Variants in TINAG observed in about 807,000 individuals in gnomAD.
TINAG encodes the protein tubulointerstitial nephritis antigen.
A neutral mutation model predicts 72.7 loss-of-function variants in TINAG; 83 were observed. The observed-to-expected ratio is 1.14, with a 90% confidence interval of 0.96 to 1.37. TINAG has a LOEUF of 1.37. Ranked by LOEUF, TINAG falls within the 40% of genes most tolerant of loss-of-function variation. TINAG has a pLI of 0.00. For synonymous variants in TINAG, 234 were observed against 189.9 expected, an observed-to-expected ratio of 1.23 and a Z score of -1.91; for missense variants, 685 against 576.6, an observed-to-expected ratio of 1.19 and a Z score of -1.93.
intron 10 of TINAG, among the ~76,000 whole-genome samples, chr6:54,382,489 C>T (rs541462301): frequency 6.6e-6 from 1 of 152,082 alleles, no homozygotes; most frequent in East Asian, 1.9e-4. Context: ...ATAAAACATA[C>T]TAGTGGTTTA....
chr6:54,342,256 G>T (rs560406192), intron 4 of TINAG, among the ~76,000 whole-genome samples: 1 of 152,028 alleles, frequency 6.6e-6, no homozygotes, highest in Non-Finnish European at 1.5e-5. Flanking sequence ...CAATTTAGTT[G>T]GCTTCTTGGA....
chr6:54,365,494 G>A (rs1470799531), intron 9 of TINAG: 1 of 151,388 alleles, frequency 6.6e-6, no homozygotes, highest in East Asian at 1.9e-4. Context: ...CATCTGTGAG[G>A]GTCACATGTT....
chr6:54,351,365 T>C lies in TINAG; in HGVS notation c.1094T>C (p.Met365Thr), dbSNP rs563178182. The C allele has an allele frequency of 6.2e-7, 1 of 1,610,230 alleles. No individual in the cohort carries two copies. The highest frequency in any genetic ancestry group is 1.7e-5 in the Admixed American group (1 of 59,658). Reference protein sequence around the residue: ...YRVSSNETEIMKEIMQNGPVQ... With the variant: ...YRVSSNETEITKEIMQNGPVQ... ...TTTTCCATCCAGGAAACTGAGATAA[T>C]GAAAGAAATCATGCAAAATGGACCA... The change falls in exon 8 of 11, where the codon ATG becomes ACG. Residue 365 changes from methionine (M) to threonine (T), a missense_variant. Coordinates refer to ENST00000259782, the MANE Select transcript of TINAG (RefSeq NM_014464.4).
intron 10 of TINAG, among the ~76,000 whole-genome samples, chr6:54,381,829 T>C (rs141755786): frequency 2.0e-5 from 3 of 152,158 alleles, no homozygotes; most frequent in African/African-American, 4.8e-5. Flanking sequence ...AGAGAAAAAA[T>C]CAAGTTCTTT....
At chr6:54,318,692 A>G (rs1784425161) in intron 1 of TINAG, among the ~76,000 whole-genome samples, 2 of 152,062 alleles carry the variant, frequency 1.3e-5, no homozygotes, top group South Asian at 4.2e-4. Flanking sequence ...AAGCTACATG[A>G]TGTATATTTT....
chr6:54,355,229 G>A lies in TINAG; in HGVS notation c.1250+593G>A, dbSNP rs539924958. On this transcript the variant is annotated intron_variant, in intron 9 of 10. Coordinates refer to ENST00000259782, the MANE Select transcript of TINAG (RefSeq NM_014464.4). Reference sequence around the variant, plus strand: ...GTGGTTATGAGACCACTTTCCCAGCGCCTTCTCAATTTTATTCTGACTAAA... The same window carrying A: ...GTGGTTATGAGACCACTTTCCCAGCACCTTCTCAATTTTATTCTGACTAAA... Among the ~76,000 whole-genome samples, 10 of 151,850 alleles carry A rather than the reference G, an allele frequency of 6.6e-5. No homozygotes were observed. In the South Asian group the frequency reaches 1.5e-3, roughly 22 times the overall value.
Position 54,372,733 on chromosome 6 carries a change from T to C in TINAG, c.1251-7793T>C, listed in dbSNP as rs1271651960. ...AATATTATATAAATACATACATATATATATATATATATATATATATATATA... is the reference window on the plus strand; with the variant it reads ...AATATTATATAAATACATACATATACATATATATATATATATATATATATA... On this transcript the variant is annotated intron_variant, in intron 9 of 10. Coordinates refer to ENST00000259782, the MANE Select transcript of TINAG (RefSeq NM_014464.4). Among the ~76,000 whole-genome samples, 33 of 4,624 alleles carry C rather than the reference T, an allele frequency of 7.1e-3. No individual in the cohort carries two copies. The South Asian group carries it at 0.074, about 10-fold the overall frequency. 3.0% of individuals were successfully genotyped at this position (4,624 alleles called of 152,430 possible).
intron 10 of TINAG, among the ~76,000 whole-genome samples, chr6:54,387,938 T>G (rs1467546847): frequency 5.9e-5 from 9 of 152,148 alleles, no homozygotes; most frequent in Non-Finnish European, 1.3e-4. Context: ...GTCTTACTCT[T>G]TATAATTATG....
At chr6:54,353,371 G>T (rs1437779210) in intron 8 of TINAG, among the ~76,000 whole-genome samples, 2 of 151,810 alleles carry the variant, frequency 1.3e-5, no homozygotes, top group Non-Finnish European at 2.9e-5. Flanking sequence ...AGGATTGCCT[G>T]GCCTGGCATA....
intron 9 of TINAG, among the ~76,000 whole-genome samples, chr6:54,371,709 A>G (rs1295487665): frequency 6.6e-6 from 1 of 152,080 alleles, no homozygotes; most frequent in South Asian, 2.1e-4. Flanking sequence ...GATCTTAGAT[A>G]ATGTGATTCT....
intron 4 of TINAG, among the ~76,000 whole-genome samples, chr6:54,333,085 A>C (rs1291845092): frequency 6.6e-6 from 1 of 152,202 alleles, no homozygotes; most frequent in Non-Finnish European, 1.5e-5. Context: ...CTAGAACTAG[A>C]AATACCATTT....
At position 54,349,881 on chromosome 6, in the gene TINAG, CAG is replaced by C. The variant is rs753459867; in HGVS notation, c.1068_1069del (p.Arg356SerfsTer7). 10 of 1,580,258 alleles carry C rather than the reference CAG, an allele frequency of 6.3e-6. No individual in the cohort carries two copies. ...GGATCTATCAATGTTCTCCTCCATA[CAG>C]AGTCTCTTCCAACGTAAGTATAAAT... Reference protein sequence around the residue: ...NRIYQCSPPYRVSSNETEIMK... With the variant: ...NRIYQCSPPYXVSSNETEIMK... On this transcript the variant is annotated frameshift_variant, in exon 7 of 11. Coordinates refer to ENST00000259782, the MANE Select transcript of TINAG (RefSeq NM_014464.4). LOFTEE classifies it high-confidence loss of function.
intron 9 of TINAG, among the ~76,000 whole-genome samples, chr6:54,361,830 C>G (rs1276073815): frequency 6.6e-6 from 1 of 151,570 alleles, no homozygotes; most frequent in Non-Finnish European, 1.5e-5. Flanking sequence ...ATTAAGAAAG[C>G]AAAGCAGCCT....
At chr6:54,368,429 A>G (rs997773819) in intron 9 of TINAG, among the ~76,000 whole-genome samples, 3 of 149,900 alleles carry the variant, frequency 2.0e-5, no homozygotes, top group Non-Finnish European at 3.0e-5. Flanking sequence ...AGTATGCCTG[A>G]AAGATATTTG....
intron 9 of TINAG, among the ~76,000 whole-genome samples, chr6:54,359,046 GT>G (rs1184961281): frequency 2.0e-5 from 3 of 151,856 alleles, no homozygotes; most frequent in East Asian, 1.9e-4. Flanking sequence ...AGAACAAAAG[GT>G]TTTTTTGTTA....
chr6:54,386,765 A>C (rs1764110896), intron 10 of TINAG, among the ~76,000 whole-genome samples: 1 of 152,138 alleles, frequency 6.6e-6, no homozygotes, highest in African/African-American at 2.4e-5. Context: ...AAATACAGAC[A>C]AAAACAATTT....
intron 9 of TINAG, among the ~76,000 whole-genome samples, chr6:54,361,093 G>T (rs1336715933): frequency 6.6e-6 from 1 of 150,836 alleles, no homozygotes; most frequent in Non-Finnish European, 1.5e-5. Context: ...CATATAAGAT[G>T]GCAAACTTGA....
Position 54,355,915 on chromosome 6 carries a change from T to C in TINAG, c.1250+1279T>C, listed in dbSNP as rs9395940. On this transcript the variant is annotated intron_variant, in intron 9 of 10. Coordinates refer to ENST00000259782, the MANE Select transcript of TINAG (RefSeq NM_014464.4). ...AAAGAGATTTCACAGGAAAACAAGA[T>C]AGTGCAGTACTTCAAATTTTTTGAA... Among the ~76,000 whole-genome samples the C allele has an allele frequency of 8.8e-3, 1,332 of 151,900 alleles. 28 individuals carry two copies. The highest frequency in any genetic ancestry group is 0.052 in the East Asian group (268 of 5,134).
At chr6:54,370,898 C>G (rs1342233389) in intron 9 of TINAG, among the ~76,000 whole-genome samples, 1 of 152,038 alleles carries the variant, frequency 6.6e-6, no homozygotes, top group African/African-American at 2.4e-5. Context: ...TTCATTGATT[C>G]ATCATCTCAA....
Sources: allele counts gnomAD v4.1 joint callset (sites outside exome capture counted in the v4.1 genomes callset), GRCh38; gene constraint gnomAD v4.1.1; transcripts MANE v1.5; gene names NCBI Gene and HGNC (gene_info 2026-07-23, HGNC 2026-07-21).